SUGCT: variants seen among roughly 807,000 people sequenced by gnomAD.
SUGCT encodes the protein succinyl-CoA:glutarate-CoA transferase.
SUGCT carries 41 observed loss-of-function variants against 55.0 expected under a neutral mutation model. That is an observed-to-expected ratio of 0.74 (90% CI 0.58 to 0.97). The LOEUF is 0.97. Ranked by LOEUF, SUGCT falls within the 50% of genes least tolerant of loss-of-function variation. The probability of loss-of-function intolerance (pLI) is 0.00; values close to 1 mark genes in which losing one functional copy is unlikely to be tolerated. For missense variants in SUGCT, 568 were observed against 547.8 expected, an observed-to-expected ratio of 1.04 and a Z score of -0.37; for synonymous variants, 187 against 200.4, an observed-to-expected ratio of 0.93 and a Z score of 0.56.
chr7:40,225,283 T>C (rs1788271092), intron 6 of SUGCT, among the ~76,000 whole-genome samples: 1 of 152,160 alleles, frequency 6.6e-6, no homozygotes, highest in South Asian at 2.1e-4. Context: ...GACATATGCT[T>C]CTTAGTATTA....
the SUGCT span, among the ~76,000 whole-genome samples, chr7:40,916,965 TA>T: frequency 6.6e-6 from 1 of 152,144 alleles, no homozygotes; most frequent in African/African-American, 2.4e-5. Flanking sequence ...TAAGGAGTCA[TA>T]AAAAACACTG....
the SUGCT span, among the ~76,000 whole-genome samples, chr7:40,949,726 T>G: frequency 3.9e-5 from 6 of 152,174 alleles, no homozygotes; most frequent in African/African-American, 1.4e-4. Flanking sequence ...TTTCCCCATT[T>G]CTTGTTTTTG....
At chr7:40,791,924 C>T (rs1176401447) in intron 13 of SUGCT, among the ~76,000 whole-genome samples, 2 of 152,068 alleles carry the variant, frequency 1.3e-5, no homozygotes, top group African/African-American at 4.8e-5. Flanking sequence ...CATCTTATTT[C>T]CCTCTTTTGT....
intron 5 of SUGCT, among the ~76,000 whole-genome samples, chr7:40,194,402 A>G (rs1786121171): frequency 6.6e-6 from 1 of 151,998 alleles, no homozygotes; most frequent in South Asian, 2.1e-4. Context: ...CTGGGACCAT[A>G]GGTATGCACC....
At chr7:40,795,441 A>G (rs1033499131) in intron 13 of SUGCT, among the ~76,000 whole-genome samples, 2 of 152,186 alleles carry the variant, frequency 1.3e-5, no homozygotes, top group Non-Finnish European at 2.9e-5. Flanking sequence ...CTCTCCTAAA[A>G]ACAGCTAAAT....
intron 10 of SUGCT, 41 bp from the exon 11 acceptor site, chr7:40,459,060 C>G: frequency 7.5e-7 from 1 of 1,326,774 alleles, no homozygotes; most frequent in Non-Finnish European, 1.1e-6. Flanking sequence ...GGTACAAGAA[C>G]TACCTATTTC....
chr7:40,219,089 G>C (rs1787865293), intron 6 of SUGCT, among the ~76,000 whole-genome samples: 1 of 152,138 alleles, frequency 6.6e-6, no homozygotes. Context: ...GCGAGACCAT[G>C]AACCCACCTG....
chr7:40,324,545 C>T (rs554768552), intron 9 of SUGCT, among the ~76,000 whole-genome samples: 7 of 152,142 alleles, frequency 4.6e-5, no homozygotes, highest in East Asian at 1.9e-4. Context: ...CATGAGCCAC[C>T]ACGCCCAGCC....
intron 9 of SUGCT, among the ~76,000 whole-genome samples, chr7:40,416,010 A>G (rs1786981171): frequency 6.6e-6 from 1 of 152,044 alleles, no homozygotes; most frequent in Admixed American, 6.5e-5. Context: ...TTCTAACTGG[A>G]TTGCTTATAA....
At chr7:40,557,771 TAAA>T (rs34029032) in intron 12 of SUGCT, among the ~76,000 whole-genome samples, 2 of 115,766 alleles carry the variant, frequency 1.7e-5, no homozygotes, top group Admixed American at 9.5e-5. Flanking sequence ...AGACTCTGTC[TAAA>T]AAAAAAAAAA....
At chr7:40,486,520 G>A (rs982041620) in intron 11 of SUGCT, among the ~76,000 whole-genome samples, 3 of 151,590 alleles carry the variant, frequency 2.0e-5, no homozygotes, top group Non-Finnish European at 2.9e-5. Flanking sequence ...TTTGGGGTTG[G>A]TCTGTTTTTG....
intron 12 of SUGCT, among the ~76,000 whole-genome samples, chr7:40,634,664 G>A (rs761897439): frequency 3.3e-5 from 5 of 152,298 alleles, no homozygotes; most frequent in East Asian, 1.9e-4. Flanking sequence ...TTTAAAACGC[G>A]AGGGAATTTA....
chr7:40,482,786 G>A (rs1269544918), intron 11 of SUGCT, among the ~76,000 whole-genome samples: 2 of 152,162 alleles, frequency 1.3e-5, no homozygotes, highest in East Asian at 3.9e-4. Context: ...TAGTATGGAC[G>A]AGAATTGTTA....
At chr7:40,831,093 A>T (rs964704549) in intron 13 of SUGCT, among the ~76,000 whole-genome samples, 1 of 152,176 alleles carries the variant, frequency 6.6e-6, no homozygotes, top group South Asian at 2.1e-4. Context: ...CATTTTTAAT[A>T]AGAAACAGAA....
intron 7 of SUGCT, among the ~76,000 whole-genome samples, chr7:40,242,343 T>C (rs1326743088): frequency 6.6e-6 from 1 of 151,814 alleles, no homozygotes; most frequent in African/African-American, 2.4e-5. Flanking sequence ...CTGGCTAATT[T>C]TTTTTGTATT....
chr7:41,006,809 T>C, the SUGCT span, among the ~76,000 whole-genome samples: 1 of 152,206 alleles, frequency 6.6e-6, no homozygotes. Context: ...CTTGACTTTT[T>C]TTCTTCCGCA....
At chr7:40,804,554 G>A (rs1373080409) in intron 13 of SUGCT, among the ~76,000 whole-genome samples, 1 of 147,602 alleles carries the variant, frequency 6.8e-6, no homozygotes, top group Non-Finnish European at 1.5e-5. Context: ...TCACTGTCCG[G>A]GCCATTACCC....
chr7:40,671,767 A>G (rs939109934), intron 12 of SUGCT, among the ~76,000 whole-genome samples: 1 of 152,176 alleles, frequency 6.6e-6, no homozygotes, highest in Admixed American at 6.5e-5. Context: ...GAAAGATGTC[A>G]TGTCTCCAAA....
chr7:41,024,212 G>A, the SUGCT span, among the ~76,000 whole-genome samples: 1 of 152,076 alleles, frequency 6.6e-6, no homozygotes, highest in Non-Finnish European at 1.5e-5. Context: ...AGGATTAAAG[G>A]CATAAATGTG....
Sources: gnomAD v4.1 joint callset for allele counts (sites outside exome capture counted in the v4.1 genomes callset) on GRCh38, gnomAD v4.1.1 for gene constraint, MANE v1.5 for transcripts, NCBI Gene and HGNC (gene_info 2026-07-23, HGNC 2026-07-21) for gene names.